CACNA1G: variants seen among roughly 807,000 people sequenced by gnomAD.
The protein encoded by CACNA1G is calcium voltage-gated channel subunit alpha1 G.
In CACNA1G, 67 loss-of-function variants were observed where a neutral mutation model predicts 219.4. The observed-to-expected ratio is 0.31, with a 90% CI of 0.25 to 0.37. The LOEUF (loss-of-function observed/expected upper bound fraction) is 0.37, where lower values mean the gene tolerates loss of function less well. Ranked by LOEUF, CACNA1G falls within the 10% of genes least tolerant of loss-of-function variation. The pLI is 1.00. For missense variants in CACNA1G, 2,380 were observed against 3,231.4 expected, an observed-to-expected ratio of 0.74 and a Z score of 6.39; for synonymous variants, 1,296 against 1,345.3, an observed-to-expected ratio of 0.96 and a Z score of 0.80.
At chr17:50,610,112 G>A (rs1011965230) in intron 26 of CACNA1G, among the ~76,000 whole-genome samples, 177 bp downstream of exon 26, 4 of 152,224 alleles carry the variant, frequency 2.6e-5, no homozygotes, top group South Asian at 2.1e-4. Flanking sequence ...CAAACTGGAC[G>A]GGAGGCGAGG....
Position 50,619,714 on chromosome 17 carries a change from T to G in CACNA1G, c.5813T>G (p.Leu1938Arg). ...DRQLFDTISLLIQGSLEWELK... is the reference protein window; with the variant it reads ...DRQLFDTISLRIQGSLEWELK... Reference sequence around the variant, plus strand: ...CAGCTGTTTGACACCATATCCCTGCTGATCCAGGGCTCCCTGGAGTGGGAG... The same window carrying G: ...CAGCTGTTTGACACCATATCCCTGCGGATCCAGGGCTCCCTGGAGTGGGAG... Residue 1938 changes from leucine to arginine, a missense_variant, in exon 34 of 38, where the codon CTG (leucine) becomes CGG (arginine). Around this residue, in one of 17 missense-constraint regions of CACNA1G, gnomAD observed 672 missense variants for 670.5 expected, o/e 1.00. Transcript: ENST00000359106. 1 of 1,610,908 alleles carries G rather than the reference T, an allele frequency of 6.2e-7. No individual in the cohort carries two copies. The highest frequency in any genetic ancestry group is 8.5e-7 in the Non-Finnish European group (1 of 1,179,466).
intron 16 of CACNA1G, among the ~76,000 whole-genome samples, chr17:50,597,645 A>T (rs1237248795): frequency 6.6e-6 from 1 of 152,230 alleles, no homozygotes; most frequent in Non-Finnish European, 1.5e-5. Flanking sequence ...ATGAACATTT[A>T]AAAATCTACT....
chr17:50,619,872 C>A (rs771108661), intron 34 of CACNA1G, 46 bp downstream of exon 34: 36 of 1,507,236 alleles, frequency 2.4e-5, no homozygotes, highest in Non-Finnish European at 2.9e-5. Flanking sequence ...CCGTGCTGGG[C>A]TGTGCCACGC....
intron 26 of CACNA1G, among the ~76,000 whole-genome samples, 178 bp downstream of exon 26, chr17:50,610,113 GGAGGCGAGGGCCT>G (rs1170295887): frequency 6.6e-6 from 1 of 152,228 alleles, no homozygotes; most frequent in Non-Finnish European, 1.5e-5. Flanking sequence ...AAACTGGACG[GGAGGCGAGGGCCT>G]GAGGCCTCTC....
chr17:50,561,563 G>A lies in CACNA1G; in HGVS notation c.104G>A (p.Gly35Glu). The change falls in exon 1 of 38, where the codon GGG becomes GAG. Residue 35 changes from glycine (G) to glutamate (E), a missense_variant. Coordinates refer to ENST00000359106, the MANE Select transcript of CACNA1G (RefSeq NM_018896.5). Reference protein sequence around the residue: ...LSGAGGRPGPGSAEKDPGSAD... With the variant: ...LSGAGGRPGPESAEKDPGSAD... The stretch of plus-strand genomic sequence containing the variant: ...GGGGCCGGGGGCCGGCCGGGGCCGG[G>A]GTCAGCAGAAAAGGACCCGGGCAGC... The A allele has an allele frequency of 6.5e-7, 1 of 1,548,384 alleles. No individual in the cohort carries two copies.
At chr17:50,563,478 C>T (rs979826383) in intron 1 of CACNA1G, among the ~76,000 whole-genome samples, 1 of 152,226 alleles carries the variant, frequency 6.6e-6, no homozygotes, top group Non-Finnish European at 1.5e-5. Flanking sequence ...AAAGCATCAA[C>T]CTCTATGTCC....
chr17:50,605,719 G>A (rs2047819085), intron 22 of CACNA1G, among the ~76,000 whole-genome samples, 179 bp from the exon 23 acceptor site: 1 of 152,206 alleles, frequency 6.6e-6, no homozygotes. Flanking sequence ...TCTTGGAAAG[G>A]AAGGGGGTGT....
Position 50,575,943 on chromosome 17 carries a change from C to G in CACNA1G, c.1541C>G (p.Ala514Gly). ...CACCTGGGCAATGGGACGCTCAGGG[C>G]CCCCCGGGCCAGCCCGGAGATCCAG... is the stretch of plus-strand genomic sequence containing the variant. Reference protein sequence around the residue: ...HYHLGNGTLRAPRASPEIQDR... With the variant: ...HYHLGNGTLRGPRASPEIQDR... Residue 514 changes from alanine to glycine, a missense_variant, in exon 8 of 38, where the codon GCC (alanine) becomes GGC (glycine). Physicochemically the swap from Ala to Gly is moderately conservative, Grantham distance 60. Around this residue, in one of 17 missense-constraint regions of CACNA1G, gnomAD observed 434 missense variants for 417.3 expected, o/e 1.04. Transcript: ENST00000359106. 6.4e-7 allele frequency: 1 copy of G among 1,552,194 alleles called. No individual in the cohort carries two copies.
intron 9 of CACNA1G, among the ~76,000 whole-genome samples, chr17:50,579,318 C>T (rs1407406472): frequency 1.3e-5 from 2 of 152,098 alleles, no homozygotes; most frequent in Non-Finnish European, 2.9e-5. Context: ...CTGATGGCTA[C>T]AAGCAATAGG....
At position 50,602,728 on chromosome 17, in the gene CACNA1G, T is replaced by C. The variant is rs2047004335; in HGVS notation, c.3916-92T>C. Reference sequence around the variant, plus strand: ...GGGGGTCGTTTTCTGAGTCAAATGTTAGAAGCAGGTTTTGACTTGTGTATG... The same window carrying C: ...GGGGGTCGTTTTCTGAGTCAAATGTCAGAAGCAGGTTTTGACTTGTGTATG... On this transcript the variant is annotated intron_variant, in intron 19 of 37. Coordinates refer to ENST00000359106, the MANE Select transcript of CACNA1G (RefSeq NM_018896.5). 5.3e-6 allele frequency: 6 copies of C among 1,124,474 alleles called. No individual in the cohort carries two copies. In the East Asian group the frequency reaches 1.5e-4, roughly 28 times the overall value. The allele number at this position is 1,124,474 out of a possible 1,614,324, so 69.7% of individuals were successfully genotyped here.
At chr17:50,622,708 C>G (rs1007312768) in intron 35 of CACNA1G, among the ~76,000 whole-genome samples, 33 of 152,200 alleles carry the variant, frequency 2.2e-4, no homozygotes, top group African/African-American at 8.0e-4. Flanking sequence ...GGAGAAACCT[C>G]TTGAGAACAA....
chr17:50,564,125 A>AGTGTGTAAGTGTGTGTGT, intron 1 of CACNA1G, among the ~76,000 whole-genome samples: 2 of 138,702 alleles, frequency 1.4e-5, no homozygotes, highest in South Asian at 4.6e-4. Context: ...CCAGGTAGGA[A>AGTGTGTAAGTGTGTGTGT]GTGTGTGTGT....
intron 1 of CACNA1G, among the ~76,000 whole-genome samples, chr17:50,567,224 A>C (rs1165180845): frequency 1.3e-5 from 2 of 152,202 alleles, no homozygotes; most frequent in African/African-American, 4.8e-5. Context: ...GCCTACCCCC[A>C]AAAACCTAGA....
At chr17:50,585,676 C>T (rs1340379587) in intron 9 of CACNA1G, among the ~76,000 whole-genome samples, 20 of 151,830 alleles carry the variant, frequency 1.3e-4, no homozygotes, top group Admixed American at 1.2e-3. Flanking sequence ...GGAGAGCTTC[C>T]GGGGGCTGGG....
In CACNA1G at chr17:50,617,520, C is replaced by T; in HGVS notation, c.5104C>T (p.Pro1702Ser). ...LEEIEVNASL[P>S]INPTIIRIMR... ...GGAAATCGAGGTCAACGCCTCGCTG[C>T]CCATCAACCCCACCATCATCCGCAT... Residue 1702 changes from proline (P) to serine (S), a missense_variant, in exon 29 of 38, where the codon CCC becomes TCC. Pro to Ser is a moderately conservative substitution (Grantham distance 74). This residue lies in a region of CACNA1G where 123 missense variants were observed against 258.4 expected (regional missense o/e 0.48). Coordinates refer to ENST00000359106, the MANE Select transcript of CACNA1G (RefSeq NM_018896.5). The surrounding 1 kb of genome is among the most constrained non-coding windows in gnomAD (Gnocchi z 5.8). 6.2e-7 allele frequency: 1 copy of T among 1,614,040 alleles called. No homozygotes were observed.
intron 9 of CACNA1G, among the ~76,000 whole-genome samples, chr17:50,581,105 A>G (rs2041866383): frequency 1.4e-5 from 2 of 146,522 alleles, no homozygotes; most frequent in Non-Finnish European, 1.5e-5. Context: ...GAGACGGGGG[A>G]GGAGGGCAGG....
chr17:50,576,458 C>A, intron 8 of CACNA1G, 132 bp downstream of exon 8: 1 of 861,126 alleles, frequency 1.2e-6, no homozygotes, highest in Non-Finnish European at 1.8e-6. Context: ...GGCTTAGGCA[C>A]CTTCAACCAG....
chr17:50,607,500 A>G (rs140251063), intron 24 of CACNA1G: 1 of 212,436 alleles, frequency 4.7e-6, no homozygotes, highest in Non-Finnish European at 7.7e-6. Flanking sequence ...CTCTAAAAAA[A>G]GAAAAAATAA....
intron 25 of CACNA1G, 56 bp from the exon 26 acceptor site, chr17:50,609,826 C>A: frequency 6.5e-7 from 1 of 1,541,828 alleles, no homozygotes; most frequent in Non-Finnish European, 8.9e-7. Flanking sequence ...CCCTGAGGGG[C>A]CCTGCCCAGC....
Sources: allele counts gnomAD v4.1 joint callset (sites outside exome capture counted in the v4.1 genomes callset), GRCh38; gene constraint gnomAD v4.1.1; regional missense constraint gnomAD v4.1.1; non-coding constraint Gnocchi (gnomAD v3.1); transcripts MANE v1.5; gene names NCBI Gene and HGNC (gene_info 2026-07-23, HGNC 2026-07-21).